ATP9A: variants seen among roughly 807,000 people sequenced by gnomAD.
The protein encoded by ATP9A is ATPase phospholipid transporting 9A, also known as probable phospholipid-transporting ATPase IIA.
In ATP9A, 52 loss-of-function variants were observed where a neutral mutation model predicts 144.1. The ratio of observed to expected loss-of-function variants is 0.36; its 90% confidence interval spans 0.29 to 0.45. The LOEUF is 0.45. ATP9A is among the 20% of genes least tolerant of loss of function. The pLI is 1.00. For missense variants in ATP9A, 947 were observed against 1,392.7 expected, an observed-to-expected ratio of 0.68 and a Z score of 5.09; for synonymous variants, 582 against 557.4, an observed-to-expected ratio of 1.04 and a Z score of -0.62.
At chr20:51,745,644 C>A (rs965618518) in intron 1 of ATP9A, among the ~76,000 whole-genome samples, 1 of 152,040 alleles carries the variant, frequency 6.6e-6, no homozygotes, top group Admixed American at 6.6e-5. Flanking sequence ...GGAGACCCCC[C>A]ACCAGAGAGT....
chr20:51,763,213 G>A (rs562199401), intron 1 of ATP9A, among the ~76,000 whole-genome samples: 4 of 152,226 alleles, frequency 2.6e-5, no homozygotes, highest in South Asian at 2.1e-4. Context: ...AGATGGGCTG[G>A]AGGAGACTTT....
At chr20:51,659,665 T>C (rs576619582) in intron 13 of ATP9A, among the ~76,000 whole-genome samples, 1 of 152,340 alleles carries the variant, frequency 6.6e-6, no homozygotes, top group East Asian at 1.9e-4. Flanking sequence ...AGAAGTGATC[T>C]GATCCTTTAA....
intron 1 of ATP9A, among the ~76,000 whole-genome samples, chr20:51,747,455 G>A (rs756601255): frequency 6.6e-6 from 1 of 152,162 alleles, no homozygotes; most frequent in Non-Finnish European, 1.5e-5. Flanking sequence ...CCAATTGCAA[G>A]AAGGAAGTAG....
intron 1 of ATP9A, among the ~76,000 whole-genome samples, chr20:51,730,834 T>C (rs1283284014): frequency 2.6e-5 from 4 of 152,074 alleles, no homozygotes; most frequent in African/African-American, 9.7e-5. Flanking sequence ...TGGTCTGTGG[T>C]TGGTTGATAT....
intron 25 of ATP9A, 136 bp from the exon 26 acceptor site, chr20:51,607,720 A>C: frequency 1.5e-6 from 1 of 652,992 alleles, no homozygotes. Context: ...GCTCGCACAC[A>C]TCTGAACACA....
intron 14 of ATP9A, among the ~76,000 whole-genome samples, chr20:51,656,026 C>T (rs2077385443): frequency 6.6e-6 from 1 of 152,108 alleles, no homozygotes; most frequent in South Asian, 2.1e-4. Flanking sequence ...AGGCCAATCA[C>T]AAAAGGCCAC....
intron 9 of ATP9A, among the ~76,000 whole-genome samples, chr20:51,687,714 T>C (rs1436317822): frequency 6.6e-6 from 1 of 151,106 alleles, no homozygotes; most frequent in Non-Finnish European, 1.5e-5. Flanking sequence ...CAGTGAGCCA[T>C]GATTGCACCC....
At chr20:51,710,890 C>T (rs1471473438) in intron 4 of ATP9A, among the ~76,000 whole-genome samples, 1 of 152,100 alleles carries the variant, frequency 6.6e-6, no homozygotes, top group Non-Finnish European at 1.5e-5. Context: ...GGTCGAAGCC[C>T]GGATGGATGA....
intron 4 of ATP9A, among the ~76,000 whole-genome samples, chr20:51,708,948 G>A (rs559600500): frequency 6.6e-6 from 1 of 152,164 alleles, no homozygotes; most frequent in East Asian, 1.9e-4. Flanking sequence ...AACCTGGTCT[G>A]TTCCTGAACT....
At chr20:51,707,186 C>A (rs1157125812) in intron 4 of ATP9A, among the ~76,000 whole-genome samples, 3 of 152,144 alleles carry the variant, frequency 2.0e-5, no homozygotes, top group Non-Finnish European at 2.9e-5. Flanking sequence ...TGGTTTAATG[C>A]CCTGCTGTTG....
intron 7 of ATP9A, 64 bp downstream of exon 7, chr20:51,693,944 A>ATC (rs3029341): frequency 0.74 from 1,042,711 of 1,401,660 alleles, 390,414 homozygotes; most frequent in African/African-American, 0.91. Flanking sequence ...CCCCCCAGGT[A>ATC]TGAGTTTGAG....
intron 4 of ATP9A, among the ~76,000 whole-genome samples, chr20:51,703,662 T>C (rs770372402): frequency 1.3e-5 from 2 of 152,198 alleles, no homozygotes; most frequent in Non-Finnish European, 2.9e-5. Flanking sequence ...GCAGTTTGTC[T>C]ACATTGCAGG....
chr20:51,662,735 T>C (rs945256027), intron 13 of ATP9A, among the ~76,000 whole-genome samples: 1 of 152,034 alleles, frequency 6.6e-6, no homozygotes, highest in African/African-American at 2.4e-5. Context: ...TGGCAGTGGT[T>C]CTTAACCAGG....
chr20:51,614,682 G>A (rs1377087914), intron 22 of ATP9A, among the ~76,000 whole-genome samples: 1 of 152,102 alleles, frequency 6.6e-6, no homozygotes, highest in Non-Finnish European at 1.5e-5. Context: ...CGACACAACA[G>A]GAAGAACACC....
chr20:51,718,572 C>A (rs1488407582), intron 3 of ATP9A, among the ~76,000 whole-genome samples: 1 of 151,848 alleles, frequency 6.6e-6, no homozygotes, highest in Non-Finnish European at 1.5e-5. Context: ...AATCCCAGCA[C>A]TTTGGGAGGC....
chr20:51,655,609 G>C (rs938154375), intron 14 of ATP9A, among the ~76,000 whole-genome samples: 3 of 152,146 alleles, frequency 2.0e-5, no homozygotes, highest in Non-Finnish European at 4.4e-5. Context: ...AGAACGTCCA[G>C]AATCCAAACA....
At chr20:51,662,554 A>T (rs2077415180) in intron 13 of ATP9A, among the ~76,000 whole-genome samples, 1 of 151,966 alleles carries the variant, frequency 6.6e-6, no homozygotes, top group Non-Finnish European at 1.5e-5. Context: ...CAAAAAAAAA[A>T]AAAAAATTTT....
At chr20:51,671,796 T>A (rs1249930742) in intron 11 of ATP9A, among the ~76,000 whole-genome samples, 1 of 151,972 alleles carries the variant, frequency 6.6e-6, no homozygotes, top group Non-Finnish European at 1.5e-5. Flanking sequence ...TTTCTATGAA[T>A]TTGACTACTT....
chr20:51,631,335 G>T (rs1446867511), intron 15 of ATP9A, among the ~76,000 whole-genome samples: 1 of 152,182 alleles, frequency 6.6e-6, no homozygotes, highest in Non-Finnish European at 1.5e-5. Context: ...CTGTGGCTAT[G>T]CCTGCTCTTG....
Sources: allele counts gnomAD v4.1 joint callset (sites outside exome capture counted in the v4.1 genomes callset), GRCh38; gene constraint gnomAD v4.1.1; transcripts MANE v1.5; gene names NCBI Gene and HGNC (gene_info 2026-07-23, HGNC 2026-07-21).